The following PHF24 variants were observed in gnomAD, a reference collection of about 807,000 sequenced individuals.
The protein encoded by PHF24 is PHD finger protein 24.
In PHF24, 25 loss-of-function variants were observed where a neutral mutation model predicts 42.6. The observed-to-expected ratio is 0.59, with a 90% CI of 0.43 to 0.82. PHF24 has a LOEUF of 0.82. Ranked by LOEUF, PHF24 falls within the 40% of genes least tolerant of loss-of-function variation. PHF24 has a pLI of 0.00. For synonymous variants in PHF24, 185 were observed against 204.8 expected, an observed-to-expected ratio of 0.90 and a Z score of 0.83; for missense variants, 470 against 538.1, an observed-to-expected ratio of 0.87 and a Z score of 1.25.
chr9:34,927,662 A>G, the PHF24 span, among the ~76,000 whole-genome samples: 1 of 152,054 alleles, frequency 6.6e-6, no homozygotes, highest in African/African-American at 2.4e-5. Flanking sequence ...GGCACATCCA[A>G]TCCAGGTGGG....
At chr9:34,915,157 C>T in the PHF24 span, among the ~76,000 whole-genome samples, 1 of 150,814 alleles carries the variant, frequency 6.6e-6, no homozygotes. Context: ...CTCAGCCCTC[C>T]AAGTAGCTGG....
the PHF24 span, among the ~76,000 whole-genome samples, chr9:34,942,862 A>G: frequency 2.0e-5 from 3 of 150,890 alleles, no homozygotes; most frequent in African/African-American, 7.4e-5. Flanking sequence ...GATGGGGGGC[A>G]GGGGGGAGGC....
At chr9:34,761,559 A>T in the PHF24 span, among the ~76,000 whole-genome samples, 4 of 152,332 alleles carry the variant, frequency 2.6e-5, no homozygotes, top group African/African-American at 9.6e-5. Context: ...GGGGAAAAAG[A>T]TGTAGAACAT....
At chr9:34,681,668 G>A in the PHF24 span, among the ~76,000 whole-genome samples, 1 of 152,312 alleles carries the variant, frequency 6.6e-6, no homozygotes, top group African/African-American at 2.4e-5. Flanking sequence ...AAAAGTAGCT[G>A]GGTGTGGTGG....
the PHF24 span, among the ~76,000 whole-genome samples, chr9:34,763,308 C>A: frequency 6.6e-6 from 1 of 152,114 alleles, no homozygotes; most frequent in African/African-American, 2.4e-5. Context: ...ATTTTCATGA[C>A]ATTGATTCTT....
the PHF24 span, among the ~76,000 whole-genome samples, chr9:34,870,398 A>C: frequency 6.6e-6 from 1 of 152,000 alleles, no homozygotes; most frequent in Admixed American, 6.6e-5. Context: ...CAGAAAAAAA[A>C]ATTCTCTGTG....
intron 1 of PHF24, among the ~76,000 whole-genome samples, chr9:34,967,462 T>G (rs982010796): frequency 6.6e-6 from 1 of 152,222 alleles, no homozygotes; most frequent in Non-Finnish European, 1.5e-5. Flanking sequence ...ATATATTTCT[T>G]ACTCTGAGCC....
chr9:34,976,000 C>G (rs1013250478), intron 3 of PHF24, 152 bp from the exon 4 acceptor site: 2 of 631,756 alleles, frequency 3.2e-6, no homozygotes, highest in African/African-American at 3.7e-5. Flanking sequence ...TTTCTCCTCT[C>G]TGGGGCCTCA....
chr9:34,734,643 A>G, the PHF24 span, among the ~76,000 whole-genome samples: 7 of 152,064 alleles, frequency 4.6e-5, no homozygotes, highest in Admixed American at 3.9e-4. Context: ...AAAATCCTCT[A>G]CCTTTGTAGG....
At chr9:34,700,988 G>A in the PHF24 span, among the ~76,000 whole-genome samples, 1 of 152,204 alleles carries the variant, frequency 6.6e-6, no homozygotes, top group Non-Finnish European at 1.5e-5. Flanking sequence ...AACAGTTTCT[G>A]ACCACAGGTA....
the PHF24 span, among the ~76,000 whole-genome samples, chr9:34,915,111 C>A: frequency 6.9e-6 from 1 of 144,146 alleles, no homozygotes. Flanking sequence ...CAGCTCACTG[C>A]AGCCTCGACC....
chr9:34,832,804 G>C, the PHF24 span: 1 of 1,551,458 alleles, frequency 6.4e-7, no homozygotes, highest in Non-Finnish European at 8.7e-7. Context: ...GGCTGACCCT[G>C]TGAAGCTGGG....
intron 2 of PHF24, among the ~76,000 whole-genome samples, chr9:34,971,923 C>G (rs1420804385): frequency 6.6e-6 from 1 of 152,154 alleles, no homozygotes; most frequent in African/African-American, 2.4e-5. Flanking sequence ...CCCCCTCTTC[C>G]CCGCTGCCAT....
At chr9:34,902,456 C>G in the PHF24 span, among the ~76,000 whole-genome samples, 2 of 152,030 alleles carry the variant, frequency 1.3e-5, no homozygotes, top group African/African-American at 2.4e-5. Flanking sequence ...CAAGACCAGC[C>G]TGGGCAACAT....
At chr9:34,948,732 C>A in the PHF24 span, among the ~76,000 whole-genome samples, 1,371 of 152,222 alleles carry the variant, frequency 9.0e-3, 11 homozygotes, top group African/African-American at 0.031. Context: ...TTTCTCAGAA[C>A]CTATCCCCAT....
At chr9:34,940,401 T>TA in the PHF24 span, among the ~76,000 whole-genome samples, 7,053 of 139,778 alleles carry the variant, frequency 0.05, 264 homozygotes, top group African/African-American at 0.11. Flanking sequence ...TTGTTTTCTC[T>TA]AAAAAAAAAA....
At chr9:34,972,913 GAA>G (rs141298768) in intron 3 of PHF24, among the ~76,000 whole-genome samples, 5 of 78,770 alleles carry the variant, frequency 6.3e-5, no homozygotes, top group Non-Finnish European at 4.5e-5. Flanking sequence ...ACTCTGTCTC[GAA>G]AAAAAAAAAA....
the PHF24 span, among the ~76,000 whole-genome samples, chr9:34,755,396 T>C: frequency 6.6e-6 from 1 of 152,092 alleles, no homozygotes; most frequent in Non-Finnish European, 1.5e-5. Flanking sequence ...CTCATCAGCA[T>C]TAATTTTTTT....
chr9:34,948,058 G>T, the PHF24 span, among the ~76,000 whole-genome samples: 1 of 150,446 alleles, frequency 6.6e-6, no homozygotes, highest in East Asian at 2.0e-4. Flanking sequence ...GCAGTGAGCC[G>T]AGATCGCACC....
Sources: allele counts gnomAD v4.1 joint callset (sites outside exome capture counted in the v4.1 genomes callset), GRCh38; gene constraint gnomAD v4.1.1; transcripts MANE v1.5; gene names NCBI Gene and HGNC (gene_info 2026-07-23, HGNC 2026-07-21).